CLPX: variants seen among roughly 807,000 people sequenced by gnomAD.
CLPX encodes caseinolytic mitochondrial matrix peptidase chaperone subunit X, also known as ATP-dependent clpX-like chaperone, mitochondrial.
In CLPX, 34 loss-of-function variants were observed where a neutral mutation model predicts 76.4. The ratio of observed to expected loss-of-function variants is 0.45; its 90% CI spans 0.34 to 0.59. The LOEUF is 0.59. Among genes scored for constraint, CLPX ranks in the 20% least tolerant of loss-of-function variants. The pLI is 0.01. For missense variants in CLPX, 613 were observed against 757.0 expected (o/e 0.81, Z 2.23); for synonymous variants, 248 against 270.9 (o/e 0.92, Z 0.83).
At chr15:65,164,221 T>G in intron 4 of CLPX, 33 bp from the exon 5 acceptor site, 1 of 1,544,156 alleles carries the variant, frequency 6.5e-7, no homozygotes, top group African/African-American at 1.4e-5. Flanking sequence ...TAATTTAATA[T>G]GAGCTATTAT....
At chr15:65,151,353 A>C (rs2087717458) in intron 13 of CLPX, among the ~76,000 whole-genome samples, 1 of 150,466 alleles carries the variant, frequency 6.6e-6, no homozygotes, top group African/African-American at 2.4e-5. Flanking sequence ...TCAAAAAAAA[A>C]AAAAAAAAAA....
intron 3 of CLPX, among the ~76,000 whole-genome samples, chr15:65,177,455 T>C (rs2140647068): frequency 6.6e-6 from 1 of 152,268 alleles, no homozygotes; most frequent in African/African-American, 2.4e-5. Context: ...TTTAAGTCTT[T>C]CCAGTACATA....
chr15:65,164,781 A>T (rs947038290), intron 4 of CLPX, among the ~76,000 whole-genome samples: 3 of 151,850 alleles, frequency 2.0e-5, no homozygotes, highest in African/African-American at 7.2e-5. Flanking sequence ...TTCTAAAAAT[A>T]TATTTTTTTC....
rs2088236086 is a variant in CLPX at position 65,185,002 on chromosome 15, G to A, written c.79+73C>T. 2.9e-6 allele frequency: 4 copies of A among 1,366,962 alleles called. No homozygotes were observed. In the East Asian group the frequency reaches 7.5e-5, roughly 26 times the overall value. 84.7% of individuals were successfully genotyped at this position (1,366,962 alleles called of 1,614,324 possible). On this transcript the variant is annotated intron_variant, in intron 1 of 13. Transcript: ENST00000300107. ...TGCAGCAGGCCTCGTGCCCTCCCCGGGGCCCCCAACCATTGGCCAGTCCAC... is the reference window on the plus strand; with the variant it reads ...TGCAGCAGGCCTCGTGCCCTCCCCGAGGCCCCCAACCATTGGCCAGTCCAC...
Position 65,164,025 on chromosome 15 carries a change from C to T in CLPX, c.673+4G>A, listed in dbSNP as rs778717290. The T allele has an allele frequency of 8.1e-6, 13 of 1,612,270 alleles. No individual in the cohort carries two copies. The highest frequency in any genetic ancestry group is 1.3e-5 in the African/African-American group (1 of 74,872). ...CTATTTAGGTCAATTATCAAAAACG[C>T]TACCTCTTGGTGTTAATGATGTCTG... On this transcript the variant is annotated splice_donor_region_variant and intron_variant, in intron 5 of 13. Coordinates refer to ENST00000300107, the MANE Select transcript of CLPX (RefSeq NM_006660.5).
chr15:65,155,975 T>G (rs1255516641), intron 9 of CLPX, 119 bp from the exon 10 acceptor site: 1 of 765,636 alleles, frequency 1.3e-6, no homozygotes, highest in Non-Finnish European at 2.1e-6. Flanking sequence ...ACATACCTAA[T>G]GAAACTCCCA....
intron 4 of CLPX, 147 bp from the exon 5 acceptor site, chr15:65,164,335 C>A: frequency 1.7e-6 from 1 of 587,430 alleles, no homozygotes; most frequent in Non-Finnish European, 2.9e-6. Context: ...CATTATATAG[C>A]AATGATTCAG....
chr15:65,162,544 T>C, intron 6 of CLPX, 60 bp downstream of exon 6: 1 of 1,150,970 alleles, frequency 8.7e-7, no homozygotes, highest in Non-Finnish European at 1.3e-6. Flanking sequence ...GCTGAAACAC[T>C]TCACTGAAAT....
At chr15:65,168,952 G>A (rs1229767720) in intron 3 of CLPX, among the ~76,000 whole-genome samples, 2 of 150,186 alleles carry the variant, frequency 1.3e-5, no homozygotes, top group African/African-American at 4.9e-5. Flanking sequence ...GACCTCCTAA[G>A]CTCAAGCAAT....
At chr15:65,180,315 G>T in intron 1 of CLPX, 111 bp from the exon 2 acceptor site, 1 of 800,318 alleles carries the variant, frequency 1.2e-6, no homozygotes, top group Non-Finnish European at 1.9e-6. Context: ...CATTTTCACA[G>T]TAGTATAAAC....
intron 8 of CLPX, among the ~76,000 whole-genome samples, chr15:65,157,380 G>A (rs1328404391): frequency 2.0e-5 from 3 of 152,176 alleles, no homozygotes; most frequent in Non-Finnish European, 2.9e-5. Context: ...ACATCCTGTA[G>A]GTCAACAGGC....
At position 65,154,793 on chromosome 15, in the gene CLPX, T is replaced by C. The variant is rs111784082; in HGVS notation, c.1600A>G (p.Ser534Gly). ...AATAAAAATCTAACCTTATCCATGC[T>C]GAATAAGGCCTGGTACTGAGGAATA... Reference protein sequence around the residue: ...AVIPQYQALFSMDKCELNVTE... With the variant: ...AVIPQYQALFGMDKCELNVTE... The change falls in exon 11 of 14, where the codon AGC becomes GGC. Residue 534 changes from serine to glycine, a missense_variant. Transcript: ENST00000300107. The C allele has an allele frequency of 7.5e-6, 12 of 1,604,582 alleles. 1 individual carries two copies. In the South Asian group the frequency reaches 1.1e-4, roughly 15 times the overall value.
At chr15:65,153,406 A>T in intron 12 of CLPX, 141 bp downstream of exon 12, 1 of 604,592 alleles carries the variant, frequency 1.7e-6, no homozygotes, top group Non-Finnish European at 2.8e-6. Context: ...CAGTGAGCCA[A>T]GATCGCACCA....
chr15:65,159,535 G>A (rs1167827957), intron 6 of CLPX, among the ~76,000 whole-genome samples: 2 of 152,164 alleles, frequency 1.3e-5, no homozygotes, highest in East Asian at 1.9e-4. Context: ...GCTTGAACCC[G>A]GGAGGCGGGG....
chr15:65,172,109 A>T (rs2088016920), intron 3 of CLPX, among the ~76,000 whole-genome samples: 1 of 152,072 alleles, frequency 6.6e-6, no homozygotes, highest in South Asian at 2.1e-4. Context: ...GATTACAAGC[A>T]TGCGCCACCA....
At chr15:65,150,936 T>G (rs996421184) in intron 13 of CLPX, 23 bp from the exon 14 acceptor site, 9 of 1,536,628 alleles carry the variant, frequency 5.9e-6, no homozygotes, top group Non-Finnish European at 8.0e-6. Context: ...GCCATGTTTG[T>G]TTTTTTAAAA....
Position 65,185,312 on chromosome 15 carries a change from C to A in CLPX, c.-159G>T. The A allele has an allele frequency of 1.6e-6, 1 of 606,176 alleles. No homozygotes were observed. The highest frequency in any genetic ancestry group is 2.9e-6 in the Non-Finnish European group (1 of 341,336). The allele number at this position is 606,176 out of a possible 1,614,324, so 37.5% of individuals were successfully genotyped here. The stretch of plus-strand genomic sequence containing the variant: ...GCCCGGCAGCCAGGCCTTCACGCTT[C>A]TCTGCCCCACAGCCGTCTATTCACC... On this transcript the variant is annotated 5_prime_UTR_variant, in exon 1 of 14. Coordinates refer to ENST00000300107, the MANE Select transcript of CLPX (RefSeq NM_006660.5).
chr15:65,163,919 A>G (rs892782165), intron 5 of CLPX, 110 bp downstream of exon 5: 1 of 1,060,392 alleles, frequency 9.4e-7, no homozygotes, highest in Non-Finnish European at 1.4e-6. Flanking sequence ...TGCACTTTGA[A>G]AAATGCCACA....
rs10605280 is a variant in CLPX at position 65,181,749 on chromosome 15, AAAATAAATAAAT to A, written c.80-1557_80-1546del. 8.2e-3 allele frequency among the ~76,000 whole-genome samples: 1,127 copies of A among 137,992 alleles called. 12 individuals are homozygous for A. The highest frequency in any genetic ancestry group is 0.026 in the African/African-American group (958 of 36,970). The allele number at this position is 137,992 out of a possible 152,430, so 90.5% of individuals were successfully genotyped here. ...GTGCAACGGAGCGAGGCTCTGTCGC[AAAATAAATAAAT>A]AAATAAATAAATAAATAAATAAATA... On this transcript the variant is annotated intron_variant, in intron 1 of 13. Coordinates refer to ENST00000300107, the MANE Select transcript of CLPX (RefSeq NM_006660.5).
Sources: gnomAD v4.1 joint callset for allele counts (sites outside exome capture counted in the v4.1 genomes callset) on GRCh38, gnomAD v4.1.1 for gene constraint, MANE v1.5 for transcripts, NCBI Gene and HGNC (gene_info 2026-07-23, HGNC 2026-07-21) for gene names.